The following ARHGAP45 variants were observed in gnomAD, a reference collection of about 807,000 sequenced individuals.
The protein encoded by ARHGAP45 is rho GTPase-activating protein 45.
ARHGAP45 carries 56 observed loss-of-function variants against 116.1 expected under a neutral mutation model. That is an observed-to-expected ratio of 0.48 (90% CI 0.39 to 0.60). The LOEUF (loss-of-function observed/expected upper bound fraction) is 0.60, where lower values mean the gene tolerates loss of function less well. Among genes scored for constraint, ARHGAP45 ranks in the 20% least tolerant of loss-of-function variants. The pLI, the probability that ARHGAP45 is intolerant of heterozygous loss-of-function variation, is 0.00. For synonymous variants in ARHGAP45, 866 were observed against 701.7 expected (o/e 1.23, Z -3.70); for missense variants, 1,622 against 1,601.0 (o/e 1.01, Z -0.22).
At chr19:1,067,776 G>A in intron 1 of ARHGAP45, 1 of 641,662 alleles carries the variant, frequency 1.6e-6, no homozygotes, top group Admixed American at 2.4e-5. Flanking sequence ...GGACGATGTT[G>A]TGTTTGGGCC....
chr19:1,076,962 C>A (rs994649893), intron 10 of ARHGAP45: 109 of 916,340 alleles, frequency 1.2e-4, no homozygotes, highest in Non-Finnish European at 1.4e-4. Context: ...CTCCTGGCCT[C>A]AAGTGATCCT....
rs2043409516 is a variant in ARHGAP45 at position 1,080,755 on chromosome 19, C to T, written c.1986C>T (p.Asp662=). 1 of 1,613,508 alleles carries T rather than the reference C, an allele frequency of 6.2e-7. No homozygotes were observed. Among genetic ancestry groups the T allele is most frequent in the Non-Finnish European group, 8.5e-7 (1 of 1,179,964 alleles). The part of the protein sequence containing the change: ...MSSTEELVDP[D]GGAGASAFEQ... ...CCACGGAGGAGCTGGTGGACCCAGACGGTGGAGCCGGGGCTTCAGCCTTTG... is the reference window on the plus strand; with the variant it reads ...CCACGGAGGAGCTGGTGGACCCAGATGGTGGAGCCGGGGCTTCAGCCTTTG... Residue 662 remains aspartate (D), a synonymous_variant, in exon 16 of 23, where the codon GAC becomes GAT. Transcript: ENST00000313093.
intron 10 of ARHGAP45, 110 bp downstream of exon 10, chr19:1,074,989 C>G: frequency 1.1e-6 from 1 of 898,874 alleles, no homozygotes; most frequent in Non-Finnish European, 1.5e-6. Context: ...CGCACACGCC[C>G]CGGCCTCCTG....
intron 22 of ARHGAP45, among the ~76,000 whole-genome samples, chr19:1,085,187 GGAGCAAGTCA>G (rs2043569736): frequency 6.6e-6 from 1 of 152,190 alleles, no homozygotes; most frequent in African/African-American, 2.4e-5. Flanking sequence ...AAAGCAAAGA[GGAGCAAGTCA>G]CATCTTGCAT....
In ARHGAP45 at chr19:1,074,672, G is replaced by C; in HGVS notation, c.1052G>C (p.Gly351Ala). The C allele has an allele frequency of 6.2e-7, 1 of 1,611,048 alleles. No homozygotes were observed. The highest frequency in any genetic ancestry group is 2.2e-5 in the East Asian group (1 of 44,824). The change falls in exon 9 of 23, where the codon GGC (glycine) becomes GCC (alanine). Residue 351 changes from glycine to alanine, a missense_variant. By Grantham distance (60) the Gly-to-Ala change is moderately conservative (BLOSUM62 0). Around this residue, in one of 3 missense-constraint regions of ARHGAP45, gnomAD observed 1,334 missense variants for 1,263.8 expected, o/e 1.06. Transcript: ENST00000313093. ...GCCCTGGAGCAGGACCTGGAGTTCG[G>C]CCACAGCATGGTGCAGGCGGTGGGC... ...SLALEQDLEF[G>A]HSMVQAVGTL...
Position 1,080,056 on chromosome 19 carries a change from G to A in ARHGAP45, c.1641G>A (p.Leu547=), listed in dbSNP as rs1296258591. ...GQQYASHVRQ[L]QRDQEPDVHY... ...AGTACGCCTCCCACGTGCGCCAGCT[G>A]CAGCGGGACCAGGAGCCCGATGTGC... The change falls in exon 13 of 23, where the codon CTG becomes CTA. Residue 547 remains leucine, a synonymous_variant. Coordinates refer to ENST00000313093, the MANE Select transcript of ARHGAP45 (RefSeq NM_012292.5). 6.2e-7 allele frequency: 1 copy of A among 1,612,740 alleles called. No homozygotes were observed. Among genetic ancestry groups the A allele is most frequent in the East Asian group, 2.2e-5 (1 of 44,864 alleles).
chr19:1,078,345 G>A (rs1016917182), intron 11 of ARHGAP45, among the ~76,000 whole-genome samples: 46 of 151,830 alleles, frequency 3.0e-4, no homozygotes, highest in Non-Finnish European at 6.5e-4. Flanking sequence ...GGGTTTCACT[G>A]TGTTAGCCAG....
rs138719751 is a variant in ARHGAP45 at position 1,084,323 on chromosome 19, A to C, written c.3041A>C (p.Glu1014Ala). ...AGEAVVYPLQ[E>A]AAADGCRESR... ...GAGGCGGTGGTCTACCCGCTGCAGG[A>C]GGCGGCGGCGGACGGGTGCAGAGGT... is the stretch of plus-strand genomic sequence containing the variant. Residue 1014 changes from glutamate to alanine, a missense_variant, in exon 22 of 23, where the codon GAG (glutamate) becomes GCG (alanine). Coordinates refer to ENST00000313093, the MANE Select transcript of ARHGAP45 (RefSeq NM_012292.5). 1,158 of 1,610,456 alleles carry C rather than the reference A, an allele frequency of 7.2e-4. No homozygotes were observed. The highest frequency in any genetic ancestry group is 8.7e-4 in the Non-Finnish European group (1,030 of 1,178,580).
intron 20 of ARHGAP45, 24 bp from the exon 21 acceptor site, chr19:1,083,119 A>T: frequency 6.3e-7 from 1 of 1,591,760 alleles, no homozygotes; most frequent in African/African-American, 1.3e-5. Flanking sequence ...GCCGCTCAGC[A>T]CCTGGCCCCT....
At chr19:1,076,512 T>G in intron 10 of ARHGAP45, among the ~76,000 whole-genome samples, 1 of 109,616 alleles carries the variant, frequency 9.1e-6, no homozygotes, top group Non-Finnish European at 1.9e-5. Flanking sequence ...TTTTTTTTTT[T>G]TGAGACAAGA....
intron 10 of ARHGAP45, 125 bp downstream of exon 10, chr19:1,075,004 T>G: frequency 1.3e-6 from 1 of 742,438 alleles, no homozygotes; most frequent in Non-Finnish European, 1.8e-6. Flanking sequence ...CTCCTGCGCA[T>G]GCGCGGCCTC....
intron 10 of ARHGAP45, among the ~76,000 whole-genome samples, chr19:1,076,626 A>G (rs1446375532): frequency 6.6e-6 from 1 of 150,512 alleles, no homozygotes; most frequent in Non-Finnish European, 1.5e-5. Flanking sequence ...CCTCCCAAGT[A>G]GCTGGGATTA....
Position 1,081,973 on chromosome 19 carries a change from C to G in ARHGAP45, c.2517+12C>G. The G allele has an allele frequency of 2.5e-6, 4 of 1,599,712 alleles. No homozygotes were observed. The highest frequency in any genetic ancestry group is 1.7e-5 in the Admixed American group (1 of 59,460). The stretch of plus-strand genomic sequence containing the variant: ...TCTACCTGCGTCAGGTGAGACCCAC[C>G]GGTGGTGGCCAGGCAGAGCCTGGAA... On this transcript the variant is annotated intron_variant, in intron 19 of 22. Transcript: ENST00000313093.
rs1428127444 is a variant in ARHGAP45, at chr19:1,071,308, C to G, written c.422-1841C>G. 1 of 1,459,822 alleles carries G rather than the reference C, an allele frequency of 6.9e-7. No homozygotes were observed. Among genetic ancestry groups the G allele is most frequent in the Non-Finnish European group, 9.0e-7 (1 of 1,112,268 alleles). The allele number at this position is 1,459,822 out of a possible 1,614,324, so 90.4% of individuals were successfully genotyped here. Reference sequence around the variant, plus strand: ...TGCGCCATGTGTATCTGCGGGACGGCGCACCCGGTGCTGGACGAGGGCCCC... The same window carrying G: ...TGCGCCATGTGTATCTGCGGGACGGGGCACCCGGTGCTGGACGAGGGCCCC... On this transcript the variant is annotated intron_variant, in intron 2 of 22. Coordinates refer to ENST00000313093, the MANE Select transcript of ARHGAP45 (RefSeq NM_012292.5). This position sits in a 1 kb window ranked among gnomAD's most constrained non-coding sequence, Gnocchi z 4.6.
Position 1,077,245 on chromosome 19 carries a change from C to T in ARHGAP45, c.1186-612C>T, listed in dbSNP as rs553780789. 4.4e-5 allele frequency: 43 copies of T among 985,328 alleles called. No homozygotes were observed. The Admixed American group carries it at 5.5e-4, about 13-fold the overall frequency. The allele number at this position is 985,328 out of a possible 1,614,324, so 61.0% of individuals were successfully genotyped here. A position where few individuals can be genotyped will look rare whatever the true frequency, so the allele number is the denominator to read the frequency against. ...AGACGCTCCCGTGGGGGCTGGTGTGCGTGTCTGCAGAGGCTGCCGTGTGAG... is the reference window on the plus strand; with the variant it reads ...AGACGCTCCCGTGGGGGCTGGTGTGTGTGTCTGCAGAGGCTGCCGTGTGAG... On this transcript the variant is annotated intron_variant, in intron 10 of 22. Coordinates refer to ENST00000313093, the MANE Select transcript of ARHGAP45 (RefSeq NM_012292.5).
In ARHGAP45 at chr19:1,074,088, C is replaced by A; in HGVS notation, c.791-16C>A. On this transcript the variant is annotated splice_polypyrimidine_tract_variant and intron_variant, in intron 6 of 22. Transcript: ENST00000313093. Reference sequence around the variant, plus strand: ...CGCGGGTCGGGCCAGGCTGAGCAGGCCCCCGTTCCCTGCAGGCTGCCTGCC... The same window carrying A: ...CGCGGGTCGGGCCAGGCTGAGCAGGACCCCGTTCCCTGCAGGCTGCCTGCC... The A allele has an allele frequency of 6.2e-7, 1 of 1,609,140 alleles. No homozygotes were observed. The highest frequency in any genetic ancestry group is 8.5e-7 in the Non-Finnish European group (1 of 1,177,830).
At position 1,068,179 on chromosome 19, in the gene ARHGAP45, G is replaced by A. The variant is rs978939517; in HGVS notation, c.91-235G>A. 2.0e-5 allele frequency among the ~76,000 whole-genome samples: 3 copies of A among 151,292 alleles called. No individual in the cohort carries two copies. The highest frequency in any genetic ancestry group is 2.1e-4 in the South Asian group (1 of 4,722). ...CCTCCCGCGCCTCCCCGCAGGCCCC[G>A]CCCCGGCTGTGGTTTGGGCAAGGAC... On this transcript the variant is annotated intron_variant, in intron 1 of 22. Coordinates refer to ENST00000313093, the MANE Select transcript of ARHGAP45 (RefSeq NM_012292.5). The surrounding 1 kb of genome is among the most constrained non-coding windows in gnomAD (Gnocchi z 7.5).
chr19:1,078,365 G>A (rs943178521), intron 11 of ARHGAP45, among the ~76,000 whole-genome samples: 2 of 151,886 alleles, frequency 1.3e-5, no homozygotes, highest in African/African-American at 2.4e-5. Context: ...GGATGGTCTC[G>A]ATCTCCTGAC....
rs1178377926 is a variant in ARHGAP45, at chr19:1,084,292, G to A, written c.3010G>A (p.Ala1004Thr). 4 of 1,612,830 alleles carry A rather than the reference G, an allele frequency of 2.5e-6. No homozygotes were observed. Among genetic ancestry groups the A allele is most frequent in the Non-Finnish European group, 3.4e-6 (4 of 1,179,646 alleles). Residue 1004 changes from alanine to threonine, a missense_variant, in exon 22 of 23, where the codon GCG becomes ACG. Transcript: ENST00000313093. ...AGTCGTCCAGGTGCCGTACCTGGAG[G>A]CGGGCGAGGCGGTGGTCTACCCGCT... ...EVVVQVPYLE[A>T]GEAVVYPLQE...
Sources: allele counts gnomAD v4.1 joint callset (sites outside exome capture counted in the v4.1 genomes callset), GRCh38; gene constraint gnomAD v4.1.1; regional missense constraint gnomAD v4.1.1; non-coding constraint Gnocchi (gnomAD v3.1); transcripts MANE v1.5; gene names NCBI Gene and HGNC (gene_info 2026-07-23, HGNC 2026-07-21).